Variants in ART4 observed in about 807,000 individuals in gnomAD.
ART4 encodes the protein ecto-ADP-ribosyltransferase 4.
In ART4, 14 loss-of-function variants were observed where a neutral mutation model predicts 24.2. The observed-to-expected ratio is 0.58, with a 90% CI of 0.38 to 0.90. ART4 has a LOEUF of 0.90. Ranked by LOEUF, ART4 falls within the 40% of genes least tolerant of loss-of-function variation. The probability of loss-of-function intolerance (pLI) is 0.00; values close to 1 mark genes in which losing one functional copy is unlikely to be tolerated. For missense variants in ART4, 356 were observed against 366.6 expected (o/e 0.97, Z 0.24); for synonymous variants, 145 against 139.9 (o/e 1.04, Z -0.26).
chr12:14,830,277 T>C (rs767571307), intron 2 of ART4, among the ~76,000 whole-genome samples: 1 of 151,668 alleles, frequency 6.6e-6, no homozygotes, highest in Non-Finnish European at 1.5e-5. Context: ...ATTGGCCATA[T>C]AATGGGGTGG....
At chr12:14,830,823 T>C (rs944004891) in intron 2 of ART4, among the ~76,000 whole-genome samples, 1 of 150,896 alleles carries the variant, frequency 6.6e-6, no homozygotes, top group Non-Finnish European at 1.5e-5. Flanking sequence ...ATTAAGAGCA[T>C]ATGTCTTTCT....
Position 14,828,025 on chromosome 12 carries a change from T to C in ART4, c.*1346A>G, listed in dbSNP as rs1211943106. ...CTCATCTTTACTCCATTTAGCCTGA[T>C]ACCAGGGTCTTCAGTGATCGTGATC... is the stretch of plus-strand genomic sequence containing the variant. On this transcript the variant is annotated 3_prime_UTR_variant, in exon 3 of 3. Coordinates refer to ENST00000228936, the MANE Select transcript of ART4 (RefSeq NM_021071.4). 6.6e-6 allele frequency: 1 copy of C among 152,226 alleles called. No individual in the cohort carries two copies. Among genetic ancestry groups the C allele is most frequent in the African/African-American group, 2.4e-5 (1 of 41,460 alleles). The allele number at this position is 152,226 out of a possible 1,614,324, so 9.4% of individuals were successfully genotyped here.
Position 14,840,555 on chromosome 12 carries a change from G to A in ART4, c.743C>T (p.Pro248Leu). 1 of 1,614,130 alleles carries A rather than the reference G, an allele frequency of 6.2e-7. No homozygotes were observed. Among genetic ancestry groups the A allele is most frequent in the Non-Finnish European group, 8.5e-7 (1 of 1,180,014 alleles). ...TATAACTTTAAACAGCTCATAGGGAGGGATCAAGACTTCCTTCTTGAGGGA... is the reference window on the plus strand; with the variant it reads ...TATAACTTTAAACAGCTCATAGGGAAGGATCAAGACTTCCTTCTTGAGGGA... ...YFSLKKEVLIPPYELFKVINM... is the reference protein window; with the variant it reads ...YFSLKKEVLILPYELFKVINM... The change falls in exon 2 of 3, where the codon CCT becomes CTT. Residue 248 changes from proline to leucine, a missense_variant. Physicochemically the swap from Pro to Leu is moderately conservative, Grantham distance 98 (BLOSUM62 -3). Coordinates refer to ENST00000228936, the MANE Select transcript of ART4 (RefSeq NM_021071.4).
At chr12:14,834,761 G>C (rs1950418515) in intron 2 of ART4, among the ~76,000 whole-genome samples, 1 of 152,192 alleles carries the variant, frequency 6.6e-6, no homozygotes, top group South Asian at 2.1e-4. Flanking sequence ...GAAGACACCT[G>C]TTTCTATGGC....
rs764177363 is a variant in ART4 at position 14,843,025 on chromosome 12, A to G, written c.89T>C (p.Leu30Pro). Residue 30 changes from leucine (L) to proline (P), a missense_variant, in exon 1 of 3, where the codon CTG becomes CCG. Physicochemically the swap from Leu to Pro is moderately conservative, Grantham distance 98. Coordinates refer to ENST00000228936, the MANE Select transcript of ART4 (RefSeq NM_021071.4). ...ATMRIWLLGGLLPFLLLLSGL... is the reference protein window; with the variant it reads ...ATMRIWLLGGPLPFLLLLSGL... Reference sequence around the variant, plus strand: ...AGAGAGGAGCAGCAGGAATGGCAGCAGGCCTCCAAGGAGCCAGATTCTCAT... The same window carrying G: ...AGAGAGGAGCAGCAGGAATGGCAGCGGGCCTCCAAGGAGCCAGATTCTCAT... 2 of 1,614,022 alleles carry G rather than the reference A, an allele frequency of 1.2e-6. No individual in the cohort carries two copies. The highest frequency in any genetic ancestry group is 1.7e-6 in the Non-Finnish European group (2 of 1,179,988).
chr12:14,829,422 T>A lies in ART4; in HGVS notation c.894A>T (p.Ala298=), dbSNP rs1158627926. The A allele has an allele frequency of 1.9e-6, 3 of 1,610,124 alleles. No individual in the cohort carries two copies. The Admixed American group carries it at 5.1e-5, about 27-fold the overall frequency. The change falls in exon 3 of 3, where the codon GCA becomes GCT. Residue 298 remains alanine (A), a synonymous_variant. Transcript: ENST00000228936. ...KKCIPDPIAI[A]SLSFLTSVII... ...TGACACTGGTCAAAAAGGAGAGAGA[T>A]GCAATAGCTATAGGATCAGGGATGC...
chr12:14,837,992 A>G (rs1950442338), intron 2 of ART4, among the ~76,000 whole-genome samples: 1 of 152,212 alleles, frequency 6.6e-6, no homozygotes, highest in Admixed American at 6.5e-5. Context: ...CTGCCTGCCT[A>G]GTTCTCAAAT....
Position 14,828,011 on chromosome 12 carries a change from T to C in ART4, c.*1360A>G, listed in dbSNP as rs1432797050. The C allele has an allele frequency of 6.6e-6, 1 of 152,180 alleles. No individual in the cohort carries two copies. Among genetic ancestry groups the C allele is most frequent in the Non-Finnish European group, 1.5e-5 (1 of 68,042 alleles). 9.4% of individuals were successfully genotyped at this position (152,180 alleles called of 1,614,324 possible). A position where few individuals can be genotyped will look rare whatever the true frequency, so the allele number is the denominator to read the frequency against. On this transcript the variant is annotated 3_prime_UTR_variant, in exon 3 of 3. Transcript: ENST00000228936. ...TTATAGAGCTAGCCCTCATCTTTAC[T>C]CCATTTAGCCTGATACCAGGGTCTT...
chr12:14,839,661 C>G (rs1177859639), intron 2 of ART4, among the ~76,000 whole-genome samples: 1 of 152,186 alleles, frequency 6.6e-6, no homozygotes, highest in Non-Finnish European at 1.5e-5. Flanking sequence ...TAGGAAAGGT[C>G]CAATCAACTC....
At chr12:14,842,820 A>T (rs1039675546) in intron 1 of ART4, 150 bp downstream of exon 1, 2 of 1,006,998 alleles carry the variant, frequency 2.0e-6, no homozygotes, top group African/African-American at 3.3e-5. Context: ...AACTGTTTTC[A>T]ACACTCTTTA....
In ART4 at chr12:14,829,467, A is replaced by G. The variant is rs370235334; in HGVS notation, c.854-5T>C. The stretch of plus-strand genomic sequence containing the variant: ...GGATGCATTTCTTGCTGGAAGCTGT[A>G]AAAAACAAAACAAAGGAAATATTTT... On this transcript the variant is annotated splice_polypyrimidine_tract_variant and splice_region_variant and intron_variant, in intron 2 of 2. Coordinates refer to ENST00000228936, the MANE Select transcript of ART4 (RefSeq NM_021071.4). 3.4e-5 allele frequency: 55 copies of G among 1,601,520 alleles called. No individual in the cohort carries two copies. Among genetic ancestry groups the G allele is most frequent in the Non-Finnish European group, 4.6e-5 (54 of 1,173,928 alleles).
intron 2 of ART4, among the ~76,000 whole-genome samples, chr12:14,834,086 C>T (rs1592249002): frequency 6.6e-6 from 1 of 152,188 alleles, no homozygotes; most frequent in South Asian, 2.1e-4. Flanking sequence ...AGATGAGTAT[C>T]ACTTCCATTT....
chr12:14,842,976 A>G lies in ART4; in HGVS notation c.138T>C (p.Gly46=). ...CCCTCAATTGTCCCCCTACCTCAGAACCCTCTGTGGGTCTCTGCAGGCCAG... is the reference window on the plus strand; with the variant it reads ...CCCTCAATTGTCCCCCTACCTCAGAGCCCTCTGTGGGTCTCTGCAGGCCAG... The part of the protein sequence containing the change: ...LLSGLQRPTE[G]SEVAIKIDFD... The change falls in exon 1 of 3, where the codon GGT becomes GGC. Residue 46 remains glycine, a synonymous_variant. Transcript: ENST00000228936. 1 of 1,611,886 alleles carries G rather than the reference A, an allele frequency of 6.2e-7. No homozygotes were observed. The highest frequency in any genetic ancestry group is 8.5e-7 in the Non-Finnish European group (1 of 1,179,118).
chr12:14,839,708 G>A (rs926497930), intron 2 of ART4, among the ~76,000 whole-genome samples: 1 of 152,198 alleles, frequency 6.6e-6, no homozygotes, highest in African/African-American at 2.4e-5. Flanking sequence ...TTGCATTGGA[G>A]ATTAAGCTTC....
chr12:14,831,097 T>C (rs1273743774), intron 2 of ART4, among the ~76,000 whole-genome samples: 1 of 151,998 alleles, frequency 6.6e-6, no homozygotes, highest in East Asian at 1.9e-4. Flanking sequence ...TTTAAGAGAT[T>C]ATATGTTGAG....
chr12:14,842,008 G>A (rs967194064), intron 1 of ART4, among the ~76,000 whole-genome samples: 2 of 152,188 alleles, frequency 1.3e-5, no homozygotes, highest in Non-Finnish European at 2.9e-5. Context: ...TTGGACAGTG[G>A]TCAGGAATGT....
chr12:14,833,006 CA>C (rs1423878438), intron 2 of ART4, among the ~76,000 whole-genome samples: 1 of 152,114 alleles, frequency 6.6e-6, no homozygotes, highest in Non-Finnish European at 1.5e-5. Context: ...GGATACCTCA[CA>C]TTTTTTTTAC....
At chr12:14,832,481 T>C (rs987013567) in intron 2 of ART4, among the ~76,000 whole-genome samples, 6 of 152,318 alleles carry the variant, frequency 3.9e-5, no homozygotes, top group Non-Finnish European at 7.4e-5. Context: ...GTCTCCTTAC[T>C]CTGCTTTATT....
intron 2 of ART4, among the ~76,000 whole-genome samples, chr12:14,840,063 T>C (rs1422954224): frequency 1.3e-5 from 2 of 152,198 alleles, no homozygotes; most frequent in Non-Finnish European, 2.9e-5. Flanking sequence ...GAACAGAAAA[T>C]TAATGAATAA....
Sources: allele counts gnomAD v4.1 joint callset (sites outside exome capture counted in the v4.1 genomes callset), GRCh38; gene constraint gnomAD v4.1.1; transcripts MANE v1.5; gene names NCBI Gene and HGNC (gene_info 2026-07-23, HGNC 2026-07-21).